Variants in MARCHF7 observed in about 807,000 individuals in gnomAD.
MARCHF7 encodes E3 ubiquitin-protein ligase MARCHF7.
A neutral mutation model predicts 76.5 loss-of-function variants in MARCHF7; 20 were observed. That is an observed-to-expected ratio of 0.26 (90% CI 0.18 to 0.38). The LOEUF (loss-of-function observed/expected upper bound fraction) is 0.38. MARCHF7 is among the 10% of genes least tolerant of loss of function. The probability of loss-of-function intolerance (pLI) is 1.00; values close to 1 mark genes in which losing one functional copy is unlikely to be tolerated. For missense variants in MARCHF7, 797 were observed against 812.9 expected, an observed-to-expected ratio of 0.98 and a Z score of 0.24; for synonymous variants, 295 against 293.0, an observed-to-expected ratio of 1.01 and a Z score of -0.07.
intron 3 of MARCHF7, among the ~76,000 whole-genome samples, chr2:159,721,732 A>C (rs956135696): frequency 6.6e-6 from 1 of 152,182 alleles, no homozygotes; most frequent in African/African-American, 2.4e-5. Context: ...TTGATGAGGA[A>C]CATGAGGATA....
At chr2:159,723,594 C>T (rs1449278358) in intron 3 of MARCHF7, among the ~76,000 whole-genome samples, 1 of 152,112 alleles carries the variant, frequency 6.6e-6, no homozygotes, top group Non-Finnish European at 1.5e-5. Flanking sequence ...AAACAGTGTG[C>T]TTATACTGTT....
intron 3 of MARCHF7, among the ~76,000 whole-genome samples, chr2:159,716,321 C>T (rs1172080152): frequency 6.6e-6 from 1 of 151,234 alleles, no homozygotes; most frequent in African/African-American, 2.4e-5. Flanking sequence ...GAAATAGTAA[C>T]TGCGTGTTTG....
chr2:159,723,606 T>C (rs1701861720), intron 3 of MARCHF7, among the ~76,000 whole-genome samples: 1 of 152,200 alleles, frequency 6.6e-6, no homozygotes, highest in African/African-American at 2.4e-5. Flanking sequence ...TATACTGTTA[T>C]TTCATGGTTT....
At chr2:159,726,371 TC>T (rs1461587068) in intron 3 of MARCHF7, among the ~76,000 whole-genome samples, 1 of 152,156 alleles carries the variant, frequency 6.6e-6, no homozygotes, top group Non-Finnish European at 1.5e-5. Context: ...CACGCCATTC[TC>T]CTGCGTCAGC....
rs993379052 is a variant in MARCHF7, at chr2:159,738,010, C to T, written c.154-5051C>T. ...TCGGACTGGCAGGCTTTGTTCGACT[C>T]GTGCTATCAGCTCGGATCCCACGCC... On this transcript the variant is annotated intron_variant, in intron 4 of 11. Coordinates refer to ENST00000409175, the MANE Select transcript of MARCHF7 (RefSeq NM_001282805.2). Among the ~76,000 whole-genome samples, 7 of 152,326 alleles carry T rather than the reference C, an allele frequency of 4.6e-5. No individual in the cohort carries two copies. The South Asian group carries it at 6.2e-4, about 14-fold the overall frequency.
At position 159,748,831 on chromosome 2, in the gene MARCHF7, C is replaced by T. The variant is rs1164916577; in HGVS notation, c.1541C>T (p.Ala514Val). Residue 514 changes from alanine to valine, a missense_variant, in exon 7 of 12, where the codon GCT becomes GTT. Ala to Val is a moderately conservative substitution (Grantham distance 64, BLOSUM62 0). This residue lies in a region of MARCHF7 where 643 missense variants were observed against 631.5 expected (regional missense o/e 1.02). Transcript: ENST00000409175. ...VDIIPSGWNS[A>V]DGKSDKTKSA... is the part of the protein sequence containing the mutation. The stretch of plus-strand genomic sequence containing the variant: ...ATTATTCCTTCAGGTTGGAATTCAG[C>T]TGATGGTAAAAGTGATAAAACTAAA... 1.2e-6 allele frequency: 2 copies of T among 1,614,036 alleles called. No individual in the cohort carries two copies. The highest frequency in any genetic ancestry group is 2.2e-5 in the East Asian group (1 of 44,888).
chr2:159,756,511 A>AC (rs1255662087), intron 8 of MARCHF7, among the ~76,000 whole-genome samples: 1 of 151,800 alleles, frequency 6.6e-6, no homozygotes, highest in Non-Finnish European at 1.5e-5. Context: ...ACATGGTGAA[A>AC]CCCCGTCTCT....
At chr2:159,732,400 G>T (rs1179587483) in intron 4 of MARCHF7, among the ~76,000 whole-genome samples, 1 of 151,858 alleles carries the variant, frequency 6.6e-6, no homozygotes, top group Non-Finnish European at 1.5e-5. Flanking sequence ...TTTTTTAATC[G>T]CTTTTTTCTT....
Position 159,745,750 on chromosome 2 carries a change from ACTT to A in MARCHF7, c.347-15_347-13del, listed in dbSNP as rs754293587. 6.4e-6 allele frequency: 10 copies of A among 1,558,990 alleles called. No individual in the cohort carries two copies. In the East Asian group the frequency reaches 1.4e-4, roughly 21 times the overall value. Reference sequence around the variant, plus strand: ...CCTTGAAAGCTTTCTCTGAAATAAAACTTCTTCATTTATTTTAAGATTCATCTT... The same window carrying A: ...CCTTGAAAGCTTTCTCTGAAATAAAACTTCATTTATTTTAAGATTCATCTT... On this transcript the variant is annotated splice_polypyrimidine_tract_variant and intron_variant, in intron 5 of 11. Transcript: ENST00000409175.
intron 11 of MARCHF7, among the ~76,000 whole-genome samples, 160 bp from the exon 12 acceptor site, chr2:159,767,124 A>T (rs1707891288): frequency 6.6e-6 from 1 of 152,180 alleles, no homozygotes; most frequent in South Asian, 2.1e-4. Context: ...CCACAGGCAG[A>T]CCACCCTAAC....
At chr2:159,727,518 G>A (rs1382634082) in intron 3 of MARCHF7, among the ~76,000 whole-genome samples, 2 of 152,190 alleles carry the variant, frequency 1.3e-5, no homozygotes, top group African/African-American at 4.8e-5. Flanking sequence ...AACCCAGGAG[G>A]TGGAGCTTCC....
Position 159,762,991 on chromosome 2 carries a change from C to A in MARCHF7, c.2005C>A (p.Arg669=). The change falls in exon 10 of 12, where the codon CGA becomes AGA. Residue 669 remains arginine (R), a splice_region_variant and synonymous_variant. Transcript: ENST00000409175. ...GNTNEPSTRV[R]FINLARTLQA... ...TACAAATGAACCAAGCACACGTGTC[C>A]GAGTAAGTAATAATGAAGTTGGGGA... is the stretch of plus-strand genomic sequence containing the variant. 1 of 1,605,568 alleles carries A rather than the reference C, an allele frequency of 6.2e-7. No individual in the cohort carries two copies. Among genetic ancestry groups the A allele is most frequent in the South Asian group, 1.1e-5 (1 of 90,342 alleles).
At chr2:159,733,489 C>T (rs1703064011) in intron 4 of MARCHF7, 1 of 969,080 alleles carries the variant, frequency 1.0e-6, no homozygotes, top group Non-Finnish European at 1.2e-6. Flanking sequence ...CTTCCTGCCT[C>T]ACCCTCCAAA....
At chr2:159,761,680 G>A (rs1420931749) in intron 9 of MARCHF7, among the ~76,000 whole-genome samples, 1 of 151,992 alleles carries the variant, frequency 6.6e-6, no homozygotes, top group Non-Finnish European at 1.5e-5. Context: ...CCAAAATGCT[G>A]GGATTATAGG....
intron 8 of MARCHF7, among the ~76,000 whole-genome samples, chr2:159,755,685 A>G (rs946335093): frequency 1.3e-5 from 2 of 152,202 alleles, no homozygotes; most frequent in African/African-American, 4.8e-5. Context: ...GGGACATAGA[A>G]ACAACTAGTA....
At chr2:159,734,007 T>C (rs1703143046) in intron 4 of MARCHF7, 2 of 1,339,142 alleles carry the variant, frequency 1.5e-6, no homozygotes, top group Non-Finnish European at 1.9e-6. Context: ...TGCTGTTACT[T>C]CTGCTATCCC....
intron 3 of MARCHF7, among the ~76,000 whole-genome samples, chr2:159,717,367 A>G (rs1299322375): frequency 6.6e-6 from 1 of 152,188 alleles, no homozygotes. Flanking sequence ...AGCCTCAAAG[A>G]TGTCATGCTT....
At position 159,748,003 on chromosome 2, in the gene MARCHF7, C is replaced by A; in HGVS notation, c.713C>A (p.Thr238Lys). The change falls in exon 7 of 12, where the codon ACG becomes AAG. Residue 238 changes from threonine (T) to lysine (K), a missense_variant. Physicochemically the swap from Thr to Lys is moderately conservative, Grantham distance 78. Transcript: ENST00000409175. ...SRESESSRSN[T>K]QPGFSYSSSR... ...GAATCAGAATCTTCCCGAAGCAATA[C>A]GCAGCCTGGATTTTCTTACAGTTCA... The A allele has an allele frequency of 1.2e-6, 2 of 1,614,082 alleles. No homozygotes were observed. Among genetic ancestry groups the A allele is most frequent in the Non-Finnish European group, 1.7e-6 (2 of 1,180,014 alleles).
intron 7 of MARCHF7, among the ~76,000 whole-genome samples, chr2:159,749,403 A>G (rs1355029428): frequency 3.3e-5 from 5 of 151,854 alleles, no homozygotes; most frequent in Admixed American, 2.6e-4. Context: ...GTTGGAGTGC[A>G]GTGGCACAGT....
Sources: allele counts gnomAD v4.1 joint callset (sites outside exome capture counted in the v4.1 genomes callset), GRCh38; gene constraint gnomAD v4.1.1; regional missense constraint gnomAD v4.1.1; transcripts MANE v1.5; gene names NCBI Gene and HGNC (gene_info 2026-07-23, HGNC 2026-07-21).